Variants in SFI1 observed in about 807,000 individuals in gnomAD.
SFI1 encodes the protein SFI1 centrin binding protein.
In SFI1, 195 loss-of-function variants were observed where a neutral mutation model predicts 207.5. The observed-to-expected ratio is 0.94, with a 90% CI of 0.84 to 1.06. The LOEUF is 1.06. Ranked by LOEUF, SFI1 falls within the 50% of genes least tolerant of loss-of-function variation. The pLI, the probability that SFI1 is intolerant of heterozygous loss-of-function variation, is 0.00. For synonymous variants in SFI1, 630 were observed against 598.9 expected (o/e 1.05, Z -0.76); for missense variants, 1,634 against 1,588.0 (o/e 1.03, Z -0.49).
chr22:31,525,934 A>C (rs1425283074), intron 2 of SFI1, among the ~76,000 whole-genome samples: 3 of 152,038 alleles, frequency 2.0e-5, no homozygotes, highest in African/African-American at 7.3e-5. Context: ...CACTTTGGCT[A>C]TTTGGGATCT....
chr22:31,555,822 A>G (rs16989760), intron 6 of SFI1, among the ~76,000 whole-genome samples: 7,231 of 152,290 alleles, frequency 0.047, 164 homozygotes, highest in African/African-American at 0.059. Context: ...TGAGGTCCAC[A>G]GTGAAACCAA....
intron 15 of SFI1, among the ~76,000 whole-genome samples, chr22:31,597,255 T>TTAGAGC (rs2067288091): frequency 6.6e-6 from 1 of 152,218 alleles, no homozygotes. Flanking sequence ...TTGGGTGGTT[T>TTAGAGC]TAGAGCTATC....
intron 1 of SFI1, among the ~76,000 whole-genome samples, chr22:31,498,478 C>T (rs1415585834): frequency 6.6e-6 from 1 of 151,662 alleles, no homozygotes; most frequent in Non-Finnish European, 1.5e-5. Flanking sequence ...TGAAGAAACC[C>T]TGTGTCTACT....
chr22:31,531,039 CT>C lies in SFI1; in HGVS notation c.267-12del. 1.2e-6 allele frequency: 2 copies of C among 1,601,984 alleles called. No individual in the cohort carries two copies. Among genetic ancestry groups the C allele is most frequent in the South Asian group, 1.1e-5 (1 of 89,024 alleles). On this transcript the variant is annotated intron_variant, in intron 3 of 32. Transcript: ENST00000400288. Reference sequence around the variant, plus strand: ...AATGGAATTTTAAAATATGTATATGCTTTTTTTCCTTCTTTCAGATGCGTGG... The same window carrying C: ...AATGGAATTTTAAAATATGTATATGCTTTTTTCCTTCTTTCAGATGCGTGG...
chr22:31,527,631 T>C (rs2058058589), intron 2 of SFI1, among the ~76,000 whole-genome samples: 1 of 152,196 alleles, frequency 6.6e-6, no homozygotes, highest in South Asian at 2.1e-4. Flanking sequence ...TGTTTGTGTG[T>C]ACATACGTGT....
At chr22:31,612,398 A>AAAAAAAATATATATATATAT (rs1556369798) in intron 24 of SFI1, 1 of 60,192 alleles carries the variant, frequency 1.7e-5, no homozygotes, top group African/African-American at 6.7e-5. Context: ...AAAAAAAAAA[A>AAAAAAAATATATATATATAT]ATATATATAT....
At chr22:31,516,522 G>GA (rs200818192) in intron 2 of SFI1, among the ~76,000 whole-genome samples, 14 of 141,604 alleles carry the variant, frequency 9.9e-5, no homozygotes, top group South Asian at 4.5e-4. Context: ...AAGAAAGAAA[G>GA]AAAAAAAAAA....
intron 10 of SFI1, among the ~76,000 whole-genome samples, chr22:31,577,638 G>A (rs946434128): frequency 5.3e-5 from 8 of 152,128 alleles, no homozygotes; most frequent in Admixed American, 3.9e-4. Context: ...AAGTGCTTTG[G>A]GAGGATCGCT....
chr22:31,607,126 G>T (rs917781029), intron 21 of SFI1, among the ~76,000 whole-genome samples: 3 of 152,148 alleles, frequency 2.0e-5, no homozygotes, highest in African/African-American at 2.4e-5. Flanking sequence ...CTGGAAGAAG[G>T]AACACAGGAA....
Position 31,612,158 on chromosome 22 carries a change from C to T in SFI1, c.2490+318C>T, listed in dbSNP as rs1385085663. 1.4e-5 allele frequency: 11 copies of T among 793,746 alleles called. No homozygotes were observed. The Admixed American group carries it at 5.0e-4, about 36-fold the overall frequency. The allele number at this position is 793,746 out of a possible 1,614,324, so 49.2% of individuals were successfully genotyped here. On this transcript the variant is annotated intron_variant, in intron 24 of 32. Coordinates refer to ENST00000400288, the MANE Select transcript of SFI1 (RefSeq NM_001007467.3). ...CTTTGGGAGGCCGAGGCAGGCGGATCATGAGGTCAGGAGATCGAGACCATC... is the reference window on the plus strand; with the variant it reads ...CTTTGGGAGGCCGAGGCAGGCGGATTATGAGGTCAGGAGATCGAGACCATC...
intron 7 of SFI1, chr22:31,559,785 G>T (rs1376001672): frequency 8.2e-6 from 6 of 732,620 alleles, no homozygotes; most frequent in African/African-American, 1.7e-5. Context: ...CTAGCCAGTG[G>T]TCTGGACAAG....
At chr22:31,510,116 C>A (rs2055271193) in intron 2 of SFI1, among the ~76,000 whole-genome samples, 1 of 151,410 alleles carries the variant, frequency 6.6e-6, no homozygotes, top group South Asian at 2.1e-4. Context: ...AGGTGTTGAG[C>A]GATAGTGCTC....
At chr22:31,548,670 A>G (rs2060334236) in intron 5 of SFI1, among the ~76,000 whole-genome samples, 1 of 150,688 alleles carries the variant, frequency 6.6e-6, no homozygotes, top group Non-Finnish European at 1.5e-5. Context: ...TTAGCTGGGC[A>G]TGGTGGCATG....
chr22:31,553,551 T>TC (rs2060827778), intron 6 of SFI1, among the ~76,000 whole-genome samples: 1 of 139,138 alleles, frequency 7.2e-6, no homozygotes, highest in South Asian at 2.2e-4. Flanking sequence ...TTTTTTTTTT[T>TC]CAGTAGAGAC....
At chr22:31,602,098 C>G (rs2068212879) in intron 15 of SFI1, 114 bp from the exon 16 acceptor site, 4 of 890,552 alleles carry the variant, frequency 4.5e-6, no homozygotes, top group Non-Finnish European at 7.3e-6. Flanking sequence ...TAATTCACCT[C>G]TTATACGATA....
intron 15 of SFI1, among the ~76,000 whole-genome samples, chr22:31,592,810 G>A (rs1358802984): frequency 9.8e-5 from 13 of 132,820 alleles, no homozygotes; most frequent in Admixed American, 7.0e-4. Context: ...GGGGAGGGCT[G>A]ACCCCCCCAC....
At chr22:31,541,816 G>A (rs1201712823) in intron 4 of SFI1, among the ~76,000 whole-genome samples, 1 of 148,334 alleles carries the variant, frequency 6.7e-6, no homozygotes, top group African/African-American at 2.5e-5. Context: ...GAAATGTACA[G>A]TTTAGGCTGG....
chr22:31,521,595 C>G (rs2147093022), intron 2 of SFI1: 1 of 152,220 alleles, frequency 6.6e-6, no homozygotes. Flanking sequence ...GCCACCCTTG[C>G]AAATTCTGTC....
Position 31,618,480 on chromosome 22 carries a change from A to C in SFI1, c.*62A>C. 7.1e-7 allele frequency: 1 copy of C among 1,409,384 alleles called. No individual in the cohort carries two copies. The allele number at this position is 1,409,384 out of a possible 1,614,324, so 87.3% of individuals were successfully genotyped here. On this transcript the variant is annotated 3_prime_UTR_variant, in exon 33 of 33. Transcript: ENST00000400288. ...GGGAGGCCTCAGGCCACCTCCAGGA[A>C]CAGAACACAGTTTTAAGTTTGATTT...
Sources: gnomAD v4.1 joint callset for allele counts (sites outside exome capture counted in the v4.1 genomes callset) on GRCh38, gnomAD v4.1.1 for gene constraint, MANE v1.5 for transcripts, NCBI Gene and HGNC (gene_info 2026-07-23, HGNC 2026-07-21) for gene names.